The following ABL2 variants were observed in gnomAD, a reference collection of about 807,000 sequenced individuals.
The protein encoded by ABL2 is ABL proto-oncogene 2, non-receptor tyrosine kinase, also known as tyrosine-protein kinase ABL2.
A neutral mutation model predicts 107.7 loss-of-function variants in ABL2; 49 were observed. The observed-to-expected ratio is 0.45, with a 90% CI of 0.36 to 0.58. ABL2 has a LOEUF of 0.58. Ranked by LOEUF, ABL2 falls within the 20% of genes least tolerant of loss-of-function variation. The pLI is 0.00. For missense variants in ABL2, 1,245 were observed against 1,457.0 expected (o/e 0.85, Z 2.37); for synonymous variants, 549 against 548.6 (o/e 1.00, Z -0.01).
chr1:179,103,982 T>C lies in ABL2; in HGVS notation c.*3736A>G, dbSNP rs1370974575. 2 of 233,442 alleles carry C rather than the reference T, an allele frequency of 8.6e-6. No individual in the cohort carries two copies. The highest frequency in any genetic ancestry group is 1.7e-5 in the Non-Finnish European group (2 of 117,940). 14.5% of individuals were successfully genotyped at this position (233,442 alleles called of 1,614,324 possible). Reference sequence around the variant, plus strand: ...CTGGCGAGATTACTGGAGAATACACTGGCCGAGACCCCAGCCCACTGGGAA... The same window carrying C: ...CTGGCGAGATTACTGGAGAATACACCGGCCGAGACCCCAGCCCACTGGGAA... On this transcript the variant is annotated 3_prime_UTR_variant, in exon 12 of 12. Coordinates refer to ENST00000502732, the MANE Select transcript of ABL2 (RefSeq NM_007314.4).
intron 1 of ABL2, among the ~76,000 whole-genome samples, chr1:179,188,402 C>T (rs1026282183): frequency 3.6e-4 from 54 of 151,894 alleles, no homozygotes; most frequent in African/African-American, 1.2e-3. Flanking sequence ...AAAAAAATAG[C>T]GGGACGTGGT....
intron 1 of ABL2, among the ~76,000 whole-genome samples, chr1:179,205,181 C>T (rs1010587135): frequency 5.9e-5 from 9 of 152,082 alleles, no homozygotes; most frequent in Non-Finnish European, 1.0e-4. Flanking sequence ...TGTGTGCCAC[C>T]ACACCCAGCT....
chr1:179,212,045 G>A (rs979551951), intron 1 of ABL2, among the ~76,000 whole-genome samples: 8 of 152,160 alleles, frequency 5.3e-5, no homozygotes, highest in Admixed American at 2.6e-4. Flanking sequence ...CATGTCTGGG[G>A]AGGCCTCAGG....
intron 1 of ABL2, among the ~76,000 whole-genome samples, chr1:179,169,473 G>A (rs2066162): frequency 0.22 from 32,696 of 151,516 alleles, 4,463 homozygotes; most frequent in East Asian, 0.36. Context: ...GCATGAACCC[G>A]GGAGGCAGAG....
At position 179,102,213 on chromosome 1, in the gene ABL2, G is replaced by C. The variant is rs1275778989; in HGVS notation, c.*5505C>G. The C allele has an allele frequency of 5.8e-6, 1 of 171,158 alleles. No individual in the cohort carries two copies. Among genetic ancestry groups the C allele is most frequent in the Non-Finnish European group, 1.3e-5 (1 of 79,088 alleles). The allele number at this position is 171,158 out of a possible 1,614,324, so 10.6% of individuals were successfully genotyped here. A position where few individuals can be genotyped will look rare whatever the true frequency, so the allele number is the denominator to read the frequency against. On this transcript the variant is annotated 3_prime_UTR_variant, in exon 12 of 12. Coordinates refer to ENST00000502732, the MANE Select transcript of ABL2 (RefSeq NM_007314.4). ...TTTTTAGTAGAGGTGGGGTTTCACC[G>C]TGTTAGCCAGGATGGTCTCAATCTC...
In ABL2 at chr1:179,105,222, G is replaced by C. The variant is rs1371074505; in HGVS notation, c.*2496C>G. The C allele has an allele frequency of 4.3e-6, 1 of 230,616 alleles. No individual in the cohort carries two copies. Among genetic ancestry groups the C allele is most frequent in the Non-Finnish European group, 8.6e-6 (1 of 116,660 alleles). The allele number at this position is 230,616 out of a possible 1,614,324, so 14.3% of individuals were successfully genotyped here. Reference sequence around the variant, plus strand: ...ACCCCCTACCCTTCAGATTGTTGTTGGGCAAGAAAACCAGGGAGCCTAAAT... The same window carrying C: ...ACCCCCTACCCTTCAGATTGTTGTTCGGCAAGAAAACCAGGGAGCCTAAAT... On this transcript the variant is annotated 3_prime_UTR_variant, in exon 12 of 12. Transcript: ENST00000502732.
intron 1 of ABL2, among the ~76,000 whole-genome samples, chr1:179,211,354 A>C (rs1662261528): frequency 6.6e-6 from 1 of 151,848 alleles, no homozygotes; most frequent in Non-Finnish European, 1.5e-5. Flanking sequence ...GTAATCCCTA[A>C]AAAAATTTTT....
At chr1:179,159,220 C>G (rs151030951) in intron 1 of ABL2, among the ~76,000 whole-genome samples, 1 of 152,170 alleles carries the variant, frequency 6.6e-6, no homozygotes, top group Non-Finnish European at 1.5e-5. Context: ...GCTGTAAGTA[C>G]AGATAACCTC....
intron 8 of ABL2, chr1:179,116,816 TTTC>T (rs1654682057): frequency 6.3e-6 from 1 of 157,634 alleles, no homozygotes; most frequent in Non-Finnish European, 1.4e-5. Flanking sequence ...GGCCCTAAAC[TTTC>T]TTCTTTATAC....
At chr1:179,173,397 T>C (rs541303888) in intron 1 of ABL2, among the ~76,000 whole-genome samples, 1 of 140,216 alleles carries the variant, frequency 7.1e-6, no homozygotes, top group East Asian at 2.1e-4. Flanking sequence ...GGAATCTTGC[T>C]CTGTCACCAG....
chr1:179,171,570 T>G (rs538557995), intron 1 of ABL2, among the ~76,000 whole-genome samples: 1 of 152,350 alleles, frequency 6.6e-6, no homozygotes, highest in Admixed American at 6.5e-5. Context: ...TAGCTCAGGT[T>G]GGAGTACAGT....
At chr1:179,181,390 G>A (rs1004864542) in intron 1 of ABL2, among the ~76,000 whole-genome samples, 2 of 152,152 alleles carry the variant, frequency 1.3e-5, no homozygotes, top group African/African-American at 4.8e-5. Context: ...TCAGAAAACT[G>A]ATATAGTATG....
Position 179,107,681 on chromosome 1 carries a change from C to T in ABL2, c.*37G>A. On this transcript the variant is annotated 3_prime_UTR_variant, in exon 12 of 12. Coordinates refer to ENST00000502732, the MANE Select transcript of ABL2 (RefSeq NM_007314.4). ...AAACAAGTCCTTTTCCCTCTCCCCT[C>T]AGAAATGTGTGCATTTTCCCACCAG... The T allele has an allele frequency of 6.4e-7, 1 of 1,554,988 alleles. No homozygotes were observed. Among genetic ancestry groups the T allele is most frequent in the Non-Finnish European group, 8.7e-7 (1 of 1,150,002 alleles).
intron 1 of ABL2, among the ~76,000 whole-genome samples, chr1:179,141,041 G>A (rs1003449963): frequency 1.3e-5 from 2 of 151,368 alleles, no homozygotes; most frequent in Admixed American, 1.3e-4. Context: ...GCTTGAACCC[G>A]GGAGGCAGAG....
At chr1:179,183,266 C>T (rs868819413) in intron 1 of ABL2, among the ~76,000 whole-genome samples, 1 of 152,064 alleles carries the variant, frequency 6.6e-6, no homozygotes, top group Non-Finnish European at 1.5e-5. Context: ...TTACTTAATG[C>T]GTACAACTTA....
intron 1 of ABL2, among the ~76,000 whole-genome samples, chr1:179,211,066 TTCAGGAAACA>T (rs1662244978): frequency 6.6e-6 from 1 of 151,950 alleles, no homozygotes; most frequent in Admixed American, 6.6e-5. Flanking sequence ...AGTTAATAAT[TTCAGGAAACA>T]GAAGACTTGA....
intron 1 of ABL2, among the ~76,000 whole-genome samples, chr1:179,161,356 GA>G (rs58594632): frequency 1.8e-3 from 222 of 123,320 alleles, no homozygotes; most frequent in African/African-American, 4.5e-3. Flanking sequence ...TACCTCAAAA[GA>G]AAAAAAAAAA....
Position 179,108,870 on chromosome 1 carries a change from C to A in ABL2, c.2397G>T (p.Met799Ile), listed in dbSNP as rs2102578104. The A allele has an allele frequency of 6.2e-7, 1 of 1,614,172 alleles. No individual in the cohort carries two copies. Among genetic ancestry groups the A allele is most frequent in the South Asian group, 1.1e-5 (1 of 91,080 alleles). The change falls in exon 12 of 12, where the codon ATG becomes ATT. Residue 799 changes from methionine to isoleucine, a missense_variant. Around this residue, in one of 3 missense-constraint regions of ABL2, gnomAD observed 761 missense variants for 766.4 expected, o/e 0.99. Coordinates refer to ENST00000502732, the MANE Select transcript of ABL2 (RefSeq NM_007314.4). The stretch of plus-strand genomic sequence containing the variant: ...ACCTCTGGCAGTTCCTGGGAAGGGT[C>A]ATTGCCATCCTATCCTGCTCTGGAA... ...SGLPEQDRMAMTLPRNCQRSK... is the reference protein window; with the variant it reads ...SGLPEQDRMAITLPRNCQRSK...
At position 179,117,171 on chromosome 1, in the gene ABL2, T is replaced by C. The variant is rs1253840238; in HGVS notation, c.1408+161A>G. 7 of 749,314 alleles carry C rather than the reference T, an allele frequency of 9.3e-6. No individual in the cohort carries two copies. The East Asian group carries it at 1.9e-4, about 20-fold the overall frequency. The allele number at this position is 749,314 out of a possible 1,614,324, so 46.4% of individuals were successfully genotyped here. A position where few individuals can be genotyped will look rare whatever the true frequency, so the allele number is the denominator to read the frequency against. On this transcript the variant is annotated intron_variant, in intron 8 of 11. Coordinates refer to ENST00000502732, the MANE Select transcript of ABL2 (RefSeq NM_007314.4). ...TTATGCAAAGTTCTTAACACAGTCCTGGCAGATAGGAGGTATTTAACAAAT... is the reference window on the plus strand; with the variant it reads ...TTATGCAAAGTTCTTAACACAGTCCCGGCAGATAGGAGGTATTTAACAAAT...
Sources: allele counts gnomAD v4.1 joint callset (sites outside exome capture counted in the v4.1 genomes callset), GRCh38; gene constraint gnomAD v4.1.1; regional missense constraint gnomAD v4.1.1; transcripts MANE v1.5; gene names NCBI Gene and HGNC (gene_info 2026-07-23, HGNC 2026-07-21).